The following PPP2R3C variants were observed in gnomAD, a reference collection of about 807,000 sequenced individuals.
PPP2R3C encodes protein phosphatase 2 regulatory subunit B''gamma.
PPP2R3C carries 47 observed loss-of-function variants against 63.7 expected under a neutral mutation model. The observed-to-expected ratio is 0.74, with a 90% confidence interval of 0.58 to 0.94. PPP2R3C has a LOEUF of 0.94. Ranked by LOEUF, PPP2R3C falls within the 40% of genes least tolerant of loss-of-function variation. PPP2R3C has a pLI of 0.00. For synonymous variants in PPP2R3C, 180 were observed against 177.4 expected, an observed-to-expected ratio of 1.01 and a Z score of -0.12; for missense variants, 421 against 518.4, an observed-to-expected ratio of 0.81 and a Z score of 1.82.
At chr14:35,090,922 A>T in intron 11 of PPP2R3C, 148 bp downstream of exon 11, 2 of 592,714 alleles carry the variant, frequency 3.4e-6, no homozygotes, top group Non-Finnish European at 5.4e-6. Context: ...TCACCATGTT[A>T]GCCAGGATGG....
intron 11 of PPP2R3C, 43 bp downstream of exon 11, chr14:35,091,027 A>G (rs200554566): frequency 6.5e-6 from 10 of 1,539,134 alleles, no homozygotes; most frequent in South Asian, 2.4e-5. Flanking sequence ...ACAAAATGAT[A>G]TATCTTAAGG....
At chr14:35,122,119 A>G, upstream of PPP2R3C, 1 of 649,488 alleles carries the variant, frequency 1.5e-6, no homozygotes, top group Non-Finnish European at 2.7e-6. Flanking sequence ...GGCAAAAACA[A>G]TTACTGTCAC....
intron 10 of PPP2R3C, 85 bp downstream of exon 10, chr14:35,094,963 A>T: frequency 3.6e-6 from 5 of 1,384,168 alleles, no homozygotes; most frequent in Non-Finnish European, 5.0e-6. Flanking sequence ...CAAAAAAAAA[A>T]GGGCTGTATT....
In PPP2R3C at chr14:35,088,023, GAAATAAATCTGT is replaced by G. The variant is rs1476176176; in HGVS notation, c.1114-25_1114-14del. The G allele has an allele frequency of 4.5e-6, 7 of 1,559,460 alleles. No individual in the cohort carries two copies. Among genetic ancestry groups the G allele is most frequent in the Non-Finnish European group, 6.2e-6 (7 of 1,131,024 alleles). Reference sequence around the variant, plus strand: ...GTTCCTGTATGGCCTGTATTTAATAGAAATAAATCTGTAAATAAAAAATGAAATACACAACAT... The same window carrying G: ...GTTCCTGTATGGCCTGTATTTAATAGAAATAAAAAATGAAATACACAACAT... On this transcript the variant is annotated splice_polypyrimidine_tract_variant and intron_variant, in intron 11 of 12. Transcript: ENST00000261475.
At chr14:35,089,836 T>C (rs186378757) in intron 11 of PPP2R3C, among the ~76,000 whole-genome samples, 1 of 96,366 alleles carries the variant, frequency 1.0e-5, no homozygotes, top group African/African-American at 4.1e-5. Flanking sequence ...CGGCTGATTT[T>C]TTTGCATTTT....
intron 10 of PPP2R3C, among the ~76,000 whole-genome samples, chr14:35,092,178 C>G (rs1462039099): frequency 6.6e-6 from 1 of 152,096 alleles, no homozygotes; most frequent in Admixed American, 6.6e-5. Context: ...AAGCAATCTT[C>G]CCACTACAGC....
chr14:35,086,094 A>G (rs148474445), intron 12 of PPP2R3C: 4 of 253,366 alleles, frequency 1.6e-5, no homozygotes, highest in South Asian at 9.0e-5. Context: ...TGGCAGAACT[A>G]TCTAATGCAG....
chr14:35,110,701 T>G, intron 2 of PPP2R3C, 72 bp from the exon 3 acceptor site: 1 of 958,026 alleles, frequency 1.0e-6, no homozygotes, highest in Non-Finnish European at 1.6e-6. Flanking sequence ...TGTGGCCTCA[T>G]AAAATAACTG....
intron 2 of PPP2R3C, among the ~76,000 whole-genome samples, chr14:35,112,631 C>T (rs2046598513): frequency 6.6e-6 from 1 of 152,070 alleles, no homozygotes; most frequent in Non-Finnish European, 1.5e-5. Flanking sequence ...CAGTCAGCGC[C>T]CTTAAAATTT....
intron 6 of PPP2R3C, among the ~76,000 whole-genome samples, chr14:35,104,610 T>C (rs113582244): frequency 4.6e-5 from 7 of 152,234 alleles, no homozygotes; most frequent in African/African-American, 1.7e-4. Context: ...CATGAAGTTA[T>C]AATTCTCTGT....
intron 10 of PPP2R3C, among the ~76,000 whole-genome samples, chr14:35,094,085 A>G (rs1224790449): frequency 6.6e-6 from 1 of 152,238 alleles, no homozygotes; most frequent in African/African-American, 2.4e-5. Flanking sequence ...GATTCTCAGA[A>G]TTAAATCATG....
chr14:35,088,795 C>T (rs1486722535), intron 11 of PPP2R3C, among the ~76,000 whole-genome samples: 2 of 152,176 alleles, frequency 1.3e-5, no homozygotes, highest in Admixed American at 1.3e-4. Context: ...GTGAACAGCC[C>T]AGGATTATAG....
At chr14:35,088,172 A>G in intron 11 of PPP2R3C, 162 bp from the exon 12 acceptor site, 1 of 634,786 alleles carries the variant, frequency 1.6e-6, no homozygotes. Context: ...CTTATTCCAC[A>G]TCAGTGAGCA....
intron 6 of PPP2R3C, chr14:35,101,679 T>G (rs2046194781): frequency 6.6e-6 from 1 of 152,306 alleles, no homozygotes; most frequent in Non-Finnish European, 1.5e-5. Context: ...TGTAGATTTA[T>G]CTGGCATTTC....
chr14:35,095,781 G>T (rs943954986), intron 9 of PPP2R3C, among the ~76,000 whole-genome samples: 1 of 150,044 alleles, frequency 6.7e-6, no homozygotes, highest in African/African-American at 2.5e-5. Context: ...AACCTGGGAG[G>T]TGGAGGTTGC....
chr14:35,087,757 A>G (rs2045657736), intron 12 of PPP2R3C, 194 bp downstream of exon 12: 2 of 552,026 alleles, frequency 3.6e-6, no homozygotes, highest in Non-Finnish European at 6.5e-6. Context: ...AATGATGACA[A>G]TACTAAAATT....
intron 2 of PPP2R3C, among the ~76,000 whole-genome samples, chr14:35,111,772 G>A (rs1438223873): frequency 1.3e-5 from 2 of 152,132 alleles, no homozygotes; most frequent in Admixed American, 1.3e-4. Context: ...AGCAGACTCA[G>A]CACGCAAGGA....
chr14:35,090,218 A>G (rs895653260), intron 11 of PPP2R3C, among the ~76,000 whole-genome samples: 8 of 149,504 alleles, frequency 5.4e-5, no homozygotes, highest in Admixed American at 1.3e-4. Context: ...AGAAATTTTT[A>G]TAGACTTTGG....
chr14:35,100,182 A>C (rs759323802), intron 6 of PPP2R3C: 4 of 152,214 alleles, frequency 2.6e-5, no homozygotes, highest in African/African-American at 4.8e-5. Flanking sequence ...ATATCATTGC[A>C]TAGATGTGCC....
Sources: allele counts gnomAD v4.1 joint callset (sites outside exome capture counted in the v4.1 genomes callset), GRCh38; gene constraint gnomAD v4.1.1; transcripts MANE v1.5; gene names NCBI Gene and HGNC (gene_info 2026-07-23, HGNC 2026-07-21).